Variants in ATP9A observed in about 807,000 individuals in gnomAD.
ATP9A encodes the protein ATPase phospholipid transporting 9A.
A neutral mutation model predicts 144.1 loss-of-function variants in ATP9A; 52 were observed. The observed-to-expected ratio is 0.36, with a 90% CI of 0.29 to 0.45. The LOEUF is 0.45. Among genes scored for constraint, ATP9A ranks in the 20% least tolerant of loss-of-function variants. ATP9A has a pLI of 1.00. For synonymous variants in ATP9A, 582 were observed against 557.4 expected, an observed-to-expected ratio of 1.04 and a Z score of -0.62; for missense variants, 947 against 1,392.7, an observed-to-expected ratio of 0.68 and a Z score of 5.09.
chr20:51,627,648 G>A lies in ATP9A; in HGVS notation c.1797C>T (p.Leu599=), dbSNP rs771091132. Residue 599 remains leucine (L), a synonymous_variant, in exon 17 of 28, where the codon CTC becomes CTT. Transcript: ENST00000338821. ...GNMAREGLRV[L]VVAKKSLAEE... ...CTGCAAGAGACTTCTTTGCCACCAC[G>A]AGCACCCGCAGCCCTTCTCGGGCCA... The A allele has an allele frequency of 1.9e-5, 30 of 1,614,032 alleles. No homozygotes were observed. The highest frequency in any genetic ancestry group is 6.6e-5 in the South Asian group (6 of 91,084).
At chr20:51,628,335 G>A (rs1204493230) in intron 16 of ATP9A, among the ~76,000 whole-genome samples, 1 of 152,198 alleles carries the variant, frequency 6.6e-6, no homozygotes, top group Non-Finnish European at 1.5e-5. Context: ...GGGTTGTGCA[G>A]CCTCTGATGT....
chr20:51,691,972 C>A (rs973722373), intron 7 of ATP9A, among the ~76,000 whole-genome samples: 1 of 152,126 alleles, frequency 6.6e-6, no homozygotes, highest in African/African-American at 2.4e-5. Flanking sequence ...AGACATTATG[C>A]TAAGTTAAAT....
At chr20:51,727,887 C>T (rs1245469139) in intron 2 of ATP9A, among the ~76,000 whole-genome samples, 2 of 150,416 alleles carry the variant, frequency 1.3e-5, no homozygotes, top group Non-Finnish European at 2.9e-5. Context: ...GCCGAGATCA[C>T]GCCATTGTGC....
chr20:51,751,127 T>C (rs759738465), intron 1 of ATP9A, among the ~76,000 whole-genome samples: 7 of 152,108 alleles, frequency 4.6e-5, no homozygotes, highest in African/African-American at 7.2e-5. Flanking sequence ...ATTCCATTGT[T>C]TATCCTCCTT....
intron 15 of ATP9A, among the ~76,000 whole-genome samples, chr20:51,636,466 T>C (rs2077292621): frequency 6.6e-6 from 1 of 152,246 alleles, no homozygotes; most frequent in South Asian, 2.1e-4. Context: ...TATGAAGCAA[T>C]ACGTAGTTAA....
At chr20:51,738,847 C>A (rs1464919811) in intron 1 of ATP9A, among the ~76,000 whole-genome samples, 1 of 152,174 alleles carries the variant, frequency 6.6e-6, no homozygotes, top group Non-Finnish European at 1.5e-5. Context: ...CTTTGGGAGG[C>A]CAAGGCGGGT....
intron 4 of ATP9A, among the ~76,000 whole-genome samples, chr20:51,709,495 A>AG (rs1379136381): frequency 6.6e-6 from 1 of 151,160 alleles, no homozygotes; most frequent in Non-Finnish European, 1.5e-5. Flanking sequence ...AGCCTGCGCG[A>AG]GGGGGTTCGG....
Position 51,613,767 on chromosome 20 carries a change from C to T in ATP9A, c.2481G>A (p.Leu827=). ...AGCTGTTCCGGCCATGCACCATAAG[C>T]AACCGGCCAAGATGCTTAAATTGAG... ...SITQFKHLGR[L]LMVHGRNSYK... is the part of the protein sequence containing the mutation. Residue 827 remains leucine (L), a synonymous_variant, in exon 23 of 28, where the codon TTG becomes TTA. Coordinates refer to ENST00000338821, the MANE Select transcript of ATP9A (RefSeq NM_006045.3). 6.2e-7 allele frequency: 1 copy of T among 1,614,170 alleles called. No individual in the cohort carries two copies. The highest frequency in any genetic ancestry group is 1.3e-5 in the African/African-American group (1 of 75,066).
At chr20:51,731,583 G>A (rs1415350523) in intron 1 of ATP9A, among the ~76,000 whole-genome samples, 1 of 151,926 alleles carries the variant, frequency 6.6e-6, no homozygotes, top group South Asian at 2.1e-4. Flanking sequence ...GCTGGGTGTG[G>A]TGGCAGACGC....
At chr20:51,745,265 TAAAA>T (rs56011562) in intron 1 of ATP9A, among the ~76,000 whole-genome samples, 2 of 106,518 alleles carry the variant, frequency 1.9e-5, no homozygotes, top group Non-Finnish European at 1.9e-5. Flanking sequence ...AGACTCCGTC[TAAAA>T]AAAAAAAAAA....
intron 25 of ATP9A, 56 bp from the exon 26 acceptor site, chr20:51,607,640 T>C (rs1220211986): frequency 7.2e-7 from 1 of 1,384,548 alleles, no homozygotes. Flanking sequence ...TCACGCAGCA[T>C]GCCATCAGCT....
chr20:51,610,022 TCCA>T, intron 24 of ATP9A, 76 bp downstream of exon 24: 2 of 1,345,088 alleles, frequency 1.5e-6, no homozygotes, highest in Non-Finnish European at 2.1e-6. Flanking sequence ...CAAGAATTTT[TCCA>T]CCACGTTTCT....
chr20:51,689,346 T>C (rs950632854), intron 8 of ATP9A, among the ~76,000 whole-genome samples: 4 of 152,170 alleles, frequency 2.6e-5, no homozygotes, highest in South Asian at 2.1e-4. Context: ...CACAGAAATA[T>C]GTGAAAAAGT....
intron 27 of ATP9A, among the ~76,000 whole-genome samples, chr20:51,604,013 T>G (rs1416773475): frequency 2.0e-5 from 3 of 152,040 alleles, no homozygotes; most frequent in Admixed American, 2.0e-4. Flanking sequence ...ACTCCTGACC[T>G]CGTGATCCAC....
intron 22 of ATP9A, among the ~76,000 whole-genome samples, chr20:51,615,441 T>C (rs979787660): frequency 6.6e-6 from 1 of 152,162 alleles, no homozygotes; most frequent in African/African-American, 2.4e-5. Flanking sequence ...CAACAAAATG[T>C]ACAGTGTGTT....
chr20:51,630,218 C>T (rs555664096), intron 15 of ATP9A, among the ~76,000 whole-genome samples: 6 of 152,234 alleles, frequency 3.9e-5, no homozygotes, highest in African/African-American at 1.2e-4. Context: ...TGAGGAATGA[C>T]GGCGCAGCCA....
chr20:51,672,538 G>C (rs1019150218), intron 11 of ATP9A, among the ~76,000 whole-genome samples: 1 of 152,104 alleles, frequency 6.6e-6, no homozygotes, highest in African/African-American at 2.4e-5. Context: ...ACCATCCAGA[G>C]CATGCTGACT....
rs2092890294 is a variant in ATP9A, at chr20:51,617,698, C to T, written c.2351-144G>A. ...CCCGTCCATTCCATCTCTCCAACCC[C>T]TTGACTACCAAGATCCTGTTTCACA... On this transcript the variant is annotated intron_variant, in intron 21 of 27. Transcript: ENST00000338821. The T allele has an allele frequency of 5.4e-5, 49 of 908,178 alleles. 2 individuals are homozygous for T. The South Asian group carries it at 7.5e-4, about 14-fold the overall frequency. 56.3% of individuals were successfully genotyped at this position (908,178 alleles called of 1,614,324 possible).
intron 27 of ATP9A, 139 bp downstream of exon 27, chr20:51,604,678 G>A: frequency 1.4e-6 from 1 of 713,006 alleles, no homozygotes; most frequent in Non-Finnish European, 2.0e-6. Context: ...AGAAAACGTG[G>A]ACAGCTGAGC....
Sources: allele counts gnomAD v4.1 joint callset (sites outside exome capture counted in the v4.1 genomes callset), GRCh38; gene constraint gnomAD v4.1.1; transcripts MANE v1.5; gene names NCBI Gene and HGNC (gene_info 2026-07-23, HGNC 2026-07-21).